The following TMTC4 variants were observed in gnomAD, a reference collection of about 807,000 sequenced individuals.
The protein encoded by TMTC4 is protein O-mannosyl-transferase TMTC4.
A neutral mutation model predicts 86.0 loss-of-function variants in TMTC4; 65 were observed. The ratio of observed to expected loss-of-function variants is 0.76; its 90% CI spans 0.62 to 0.93. The LOEUF (loss-of-function observed/expected upper bound fraction) is 0.93. Among genes scored for constraint, TMTC4 ranks in the 40% least tolerant of loss-of-function variants. TMTC4 has a pLI of 0.00. For missense variants in TMTC4, 866 were observed against 948.1 expected, an observed-to-expected ratio of 0.91 and a Z score of 1.14; for synonymous variants, 379 against 382.5, an observed-to-expected ratio of 0.99 and a Z score of 0.11.
At chr13:100,672,027 T>C (rs921360728) in intron 1 of TMTC4, among the ~76,000 whole-genome samples, 35 of 152,154 alleles carry the variant, frequency 2.3e-4, no homozygotes, top group African/African-American at 8.2e-4. Flanking sequence ...TAAGAATCAA[T>C]TTCCTCACTG....
intron 7 of TMTC4, among the ~76,000 whole-genome samples, chr13:100,640,150 C>A (rs903805707): frequency 2.0e-5 from 3 of 151,754 alleles, no homozygotes; most frequent in African/African-American, 7.3e-5. Context: ...GGTTCTAAAA[C>A]CAGCAGTTCT....
In TMTC4 at chr13:100,614,367, G is replaced by C; in HGVS notation, c.1900C>G (p.Pro634Ala). ...NAWRNATVLK[P>A]EHSLAWNNMI... ...TTGTTCCAGGCCAGGCTGTGCTCTG[G>C]TTTCAGCACGGTGGCATTTCTCCAC... Residue 634 changes from proline (P) to alanine (A), a missense_variant, in exon 16 of 19, where the codon CCA becomes GCA. Physicochemically the swap from Pro to Ala is conservative, Grantham distance 27 (BLOSUM62 -1). Coordinates refer to ENST00000342624, the MANE Select transcript of TMTC4 (RefSeq NM_032813.5). 6.2e-7 allele frequency: 1 copy of C among 1,613,674 alleles called. No individual in the cohort carries two copies. Among genetic ancestry groups the C allele is most frequent in the Non-Finnish European group, 8.5e-7 (1 of 1,179,942 alleles).
chr13:100,613,650 GAAACAA>G (rs1877983542), intron 16 of TMTC4, among the ~76,000 whole-genome samples: 1 of 152,062 alleles, frequency 6.6e-6, no homozygotes, highest in Non-Finnish European at 1.5e-5. Flanking sequence ...GGCTTCAGAA[GAAACAA>G]GATACTGTCA....
At chr13:100,613,499 T>C (rs1308454138) in intron 16 of TMTC4, among the ~76,000 whole-genome samples, 3 of 152,136 alleles carry the variant, frequency 2.0e-5, no homozygotes, top group East Asian at 1.9e-4. Flanking sequence ...GCTCCAAGTG[T>C]AGACTGAGGG....
At chr13:100,673,865 A>G (rs1248817905) in intron 1 of TMTC4, among the ~76,000 whole-genome samples, 1 of 152,150 alleles carries the variant, frequency 6.6e-6, no homozygotes, top group African/African-American at 2.4e-5. Context: ...GAAAAGGGAC[A>G]GGGAGGGGAC....
Position 100,612,492 on chromosome 13 carries a change from T to G in TMTC4, c.1970A>C (p.Glu657Ala). The G allele has an allele frequency of 6.2e-7, 1 of 1,611,206 alleles. No individual in the cohort carries two copies. Among genetic ancestry groups the G allele is most frequent in the Non-Finnish European group, 8.5e-7 (1 of 1,179,168 alleles). Residue 657 changes from glutamate (E) to alanine (A), a missense_variant, in exon 17 of 19, where the codon GAA becomes GCA. By Grantham distance (107) the Glu-to-Ala change is moderately radical (BLOSUM62 -1). Transcript: ENST00000342624. ...TTCCAGTGCCTCTCTTCCAACTGCT[T>G]CAGCTTGGGCTAAATTACCTGGGAG... Reference protein sequence around the residue: ...LDNTGNLAQAEAVGREALELI... With the variant: ...LDNTGNLAQAAAVGREALELI...
chr13:100,653,386 T>C (rs922623416), intron 6 of TMTC4, among the ~76,000 whole-genome samples: 12 of 152,018 alleles, frequency 7.9e-5, no homozygotes, highest in African/African-American at 2.2e-4. Flanking sequence ...AGGGGAGAGA[T>C]GGGCTGGCAG....
intron 17 of TMTC4, among the ~76,000 whole-genome samples, chr13:100,607,416 C>A (rs887457512): frequency 6.6e-6 from 1 of 151,828 alleles, no homozygotes; most frequent in African/African-American, 2.4e-5. Flanking sequence ...ACTTGGGAGG[C>A]TGAGGCAGGA....
chr13:100,632,687 A>C (rs1157597000), intron 12 of TMTC4, among the ~76,000 whole-genome samples: 1 of 152,246 alleles, frequency 6.6e-6, no homozygotes, highest in African/African-American at 2.4e-5. Flanking sequence ...AGCATCTCTT[A>C]TATATTATTC....
At chr13:100,613,369 G>A (rs981630861) in intron 16 of TMTC4, among the ~76,000 whole-genome samples, 4 of 152,152 alleles carry the variant, frequency 2.6e-5, no homozygotes, top group Non-Finnish European at 5.9e-5. Context: ...CTTAAAAGAC[G>A]TTTGGATTTT....
chr13:100,656,299 C>A, intron 6 of TMTC4, 82 bp downstream of exon 6: 2 of 1,238,496 alleles, frequency 1.6e-6, no homozygotes, highest in African/African-American at 1.5e-5. Context: ...TAGATGGATT[C>A]TTTCCCGTAT....
chr13:100,653,763 C>A (rs1884732820), intron 6 of TMTC4, among the ~76,000 whole-genome samples: 1 of 152,214 alleles, frequency 6.6e-6, no homozygotes, highest in South Asian at 2.1e-4. Flanking sequence ...AAACCCTCCG[C>A]TTTACACTGC....
At chr13:100,615,654 T>C (rs1323104754) in intron 15 of TMTC4, among the ~76,000 whole-genome samples, 1 of 152,220 alleles carries the variant, frequency 6.6e-6, no homozygotes, top group East Asian at 1.9e-4. Flanking sequence ...GGTTTCACGA[T>C]GTTGCCCAGG....
intron 2 of TMTC4, 38 bp downstream of exon 2, chr13:100,670,322 T>G (rs2139072208): frequency 6.3e-7 from 1 of 1,599,936 alleles, no homozygotes; most frequent in South Asian, 1.1e-5. Context: ...TCTGTCTGAG[T>G]GAAGATGGAG....
At chr13:100,629,499 G>C (rs894216668) in intron 12 of TMTC4, among the ~76,000 whole-genome samples, 1 of 152,166 alleles carries the variant, frequency 6.6e-6, no homozygotes, top group African/African-American at 2.4e-5. Context: ...CTAGGGCTGT[G>C]AAGTTGGATT....
intron 12 of TMTC4, 32 bp downstream of exon 12, chr13:100,634,773 G>C: frequency 6.2e-7 from 1 of 1,605,462 alleles, no homozygotes; most frequent in East Asian, 2.2e-5. Flanking sequence ...CCCTAGTAAG[G>C]TCCCTTTAAA....
intron 7 of TMTC4, among the ~76,000 whole-genome samples, chr13:100,639,400 G>A (rs1218756826): frequency 6.6e-6 from 1 of 152,240 alleles, no homozygotes; most frequent in Non-Finnish European, 1.5e-5. Flanking sequence ...CCACTTTCTA[G>A]AAGGCAGATG....
intron 12 of TMTC4, among the ~76,000 whole-genome samples, chr13:100,630,191 A>C (rs1881166917): frequency 6.6e-6 from 1 of 152,186 alleles, no homozygotes; most frequent in African/African-American, 2.4e-5. Flanking sequence ...CTGAAAACAC[A>C]ACCACATCCT....
At chr13:100,621,162 G>C (rs898809760) in intron 15 of TMTC4, among the ~76,000 whole-genome samples, 8 of 152,232 alleles carry the variant, frequency 5.3e-5, no homozygotes, top group African/African-American at 1.9e-4. Context: ...TACAGCACAT[G>C]ATAAAAGCTG....
Sources: allele counts gnomAD v4.1 joint callset (sites outside exome capture counted in the v4.1 genomes callset), GRCh38; gene constraint gnomAD v4.1.1; transcripts MANE v1.5; gene names NCBI Gene and HGNC (gene_info 2026-07-23, HGNC 2026-07-21).